The following ZMYND8 variants were observed in gnomAD, a reference collection of about 807,000 sequenced individuals.
ZMYND8 encodes the protein MYND-type zinc finger-containing chromatin reader ZMYND8.
In ZMYND8, 37 loss-of-function variants were observed where a neutral mutation model predicts 140.8. The observed-to-expected ratio is 0.26, with a 90% CI of 0.20 to 0.35. The LOEUF is 0.35. Among genes scored for constraint, ZMYND8 ranks in the 10% least tolerant of loss-of-function variants. ZMYND8 has a pLI of 1.00. For synonymous variants in ZMYND8, 592 were observed against 597.1 expected (o/e 0.99, Z 0.12); for missense variants, 1,068 against 1,570.0 (o/e 0.68, Z 5.40).
Position 47,347,838 on chromosome 20 carries a change from T to C in ZMYND8, c.85+18A>G. On this transcript the variant is annotated intron_variant, in intron 2 of 22. Transcript: ENST00000471951. ...TCCTCCTTAGCTCTAGAATAGATAA[T>C]ACAAGATTTTTACTCACCTTTGGAG... 6.2e-7 allele frequency: 1 copy of C among 1,612,564 alleles called. No individual in the cohort carries two copies.
At chr20:47,279,465 G>C (rs2076465229) in intron 10 of ZMYND8, among the ~76,000 whole-genome samples, 1 of 151,458 alleles carries the variant, frequency 6.6e-6, no homozygotes, top group Non-Finnish European at 1.5e-5. Context: ...AAACAAGCCT[G>C]GGTGACAGAG....
At chr20:47,335,410 C>T (rs972565234) in intron 2 of ZMYND8, among the ~76,000 whole-genome samples, 1 of 151,868 alleles carries the variant, frequency 6.6e-6, no homozygotes, top group Admixed American at 6.6e-5. Context: ...ATTATCATTC[C>T]ACTCACCCTC....
chr20:47,303,625 G>A (rs1417628558), intron 3 of ZMYND8, among the ~76,000 whole-genome samples: 2 of 152,066 alleles, frequency 1.3e-5, no homozygotes, highest in African/African-American at 2.4e-5. Context: ...GAACCCGGGA[G>A]GTGGAGGTTG....
chr20:47,276,259 T>C (rs1173358740), intron 11 of ZMYND8, 55 bp downstream of exon 11: 2 of 1,489,570 alleles, frequency 1.3e-6, no homozygotes, highest in Non-Finnish European at 1.8e-6. Context: ...TGTGCACCCA[T>C]GGGAAACCCC....
intron 21 of ZMYND8, among the ~76,000 whole-genome samples, chr20:47,216,787 ACAGAG>A (rs1226719014): frequency 2.0e-5 from 3 of 152,194 alleles, no homozygotes; most frequent in Non-Finnish European, 4.4e-5. Context: ...AGCCTGGGCG[ACAGAG>A]CAAAGACTCT....
chr20:47,220,231 C>A (rs1184518734), intron 21 of ZMYND8, 27 bp downstream of exon 21: 6 of 1,546,394 alleles, frequency 3.9e-6, no homozygotes, highest in Non-Finnish European at 5.3e-6. Flanking sequence ...TGTGAAAGCA[C>A]CGTTCGCCCA....
chr20:47,314,743 A>G (rs940492883), intron 2 of ZMYND8, among the ~76,000 whole-genome samples: 2 of 152,178 alleles, frequency 1.3e-5, no homozygotes, highest in African/African-American at 2.4e-5. Flanking sequence ...ACTTCCAGAC[A>G]TTATTTGAGG....
intron 1 of ZMYND8, among the ~76,000 whole-genome samples, chr20:47,351,051 A>C (rs767271028): frequency 6.6e-6 from 1 of 152,242 alleles, no homozygotes; most frequent in African/African-American, 2.4e-5. Context: ...AGTACCTGCA[A>C]AGATAACCAA....
At chr20:47,289,591 A>C (rs2077129394) in intron 7 of ZMYND8, among the ~76,000 whole-genome samples, 3 of 148,566 alleles carry the variant, frequency 2.0e-5, no homozygotes, top group Middle Eastern at 6.8e-3. Flanking sequence ...AAATGGATGA[A>C]TGGCGGCATA....
At chr20:47,239,273 C>T in intron 14 of ZMYND8, 135 bp from the exon 15 acceptor site, 6 of 1,208,594 alleles carry the variant, frequency 5.0e-6, no homozygotes, top group Non-Finnish European at 5.5e-6. Context: ...GTGCCAAGCA[C>T]ACCGCGCTGG....
intron 21 of ZMYND8, among the ~76,000 whole-genome samples, chr20:47,219,735 G>C (rs191410296): frequency 6.6e-6 from 1 of 152,190 alleles, no homozygotes; most frequent in Admixed American, 6.5e-5. Flanking sequence ...AAAAAACCTA[G>C]ATGTCAAGTC....
At chr20:47,335,426 C>T (rs1282291708) in intron 2 of ZMYND8, among the ~76,000 whole-genome samples, 1 of 152,006 alleles carries the variant, frequency 6.6e-6, no homozygotes, top group East Asian at 1.9e-4. Flanking sequence ...CCCTCACCCC[C>T]CCACAGCCAT....
In ZMYND8 at chr20:47,227,289, AG is replaced by A; in HGVS notation, c.2938-9del. The stretch of plus-strand genomic sequence containing the variant: ...GATCCTCAGCCTGCGAATCTGGAAG[AG>A]GGAGAGTGAGCGTCTTCAAAAGCTG... On this transcript the variant is annotated splice_polypyrimidine_tract_variant and intron_variant, in intron 17 of 22. Transcript: ENST00000471951. 6.2e-7 allele frequency: 1 copy of A among 1,614,102 alleles called. No homozygotes were observed. Among genetic ancestry groups the A allele is most frequent in the Non-Finnish European group, 8.5e-7 (1 of 1,179,986 alleles).
intron 2 of ZMYND8, among the ~76,000 whole-genome samples, chr20:47,324,716 G>A (rs1013570011): frequency 2.6e-5 from 4 of 151,878 alleles, no homozygotes; most frequent in South Asian, 2.1e-4. Flanking sequence ...AAGCTCCTTC[G>A]CATGCGGCTG....
intron 18 of ZMYND8, among the ~76,000 whole-genome samples, chr20:47,224,775 G>A (rs1295676191): frequency 2.0e-5 from 3 of 152,174 alleles, no homozygotes; most frequent in Admixed American, 2.0e-4. Context: ...TGGACATGAG[G>A]TGCCCAGCAT....
rs1229559626 is a variant in ZMYND8 at position 47,282,124 on chromosome 20, G to A, written c.976C>T (p.Arg326Ter). 4 of 1,613,258 alleles carry A rather than the reference G, an allele frequency of 2.5e-6. No homozygotes were observed. Among genetic ancestry groups the A allele is most frequent in the Non-Finnish European group, 3.4e-6 (4 of 1,179,718 alleles). The change falls in exon 10 of 23, where the codon CGA (arginine) becomes TGA (stop). Residue 326 changes from arginine (R) to a stop codon, truncating the protein, a stop_gained. Coordinates refer to ENST00000471951, the MANE Select transcript of ZMYND8 (RefSeq NM_001281775.3). LOFTEE classifies it high-confidence loss of function. ...CACCTGTCATGTTGTCCAAAGAATCGGGCATCGACCTGCCCGTCTTTATCC... is the reference window on the plus strand; with the variant it reads ...CACCTGTCATGTTGTCCAAAGAATCAGGCATCGACCTGCCCGTCTTTATCC... The part of the protein sequence containing the change: ...LRDKDGQVDA[R>*]FFGQHDRAWV...
At chr20:47,279,263 A>G (rs977894407) in intron 10 of ZMYND8, among the ~76,000 whole-genome samples, 11 of 152,094 alleles carry the variant, frequency 7.2e-5, no homozygotes, top group Non-Finnish European at 1.5e-4. Context: ...TGAGGTCAGG[A>G]GCTTGAGACC....
chr20:47,328,398 G>A (rs1474744544), intron 2 of ZMYND8, among the ~76,000 whole-genome samples: 2 of 152,052 alleles, frequency 1.3e-5, no homozygotes, highest in African/African-American at 4.8e-5. Context: ...TGTTGTCAAG[G>A]AGATACACTG....
In ZMYND8 at chr20:47,247,378, A is replaced by G. The variant is rs557981687; in HGVS notation, c.1775-861T>C. ...CCCTCTTGTTCCCTGCACTCGTGGAAAGTCAACTGCCACTCGGTGTGCATT... is the reference window on the plus strand; with the variant it reads ...CCCTCTTGTTCCCTGCACTCGTGGAGAGTCAACTGCCACTCGGTGTGCATT... On this transcript the variant is annotated intron_variant, in intron 13 of 22. Transcript: ENST00000471951. 2.0e-5 allele frequency among the ~76,000 whole-genome samples: 3 copies of G among 152,306 alleles called. No homozygotes were observed. The East Asian group carries it at 5.8e-4, about 29-fold the overall frequency.
Sources: gnomAD v4.1 joint callset for allele counts (sites outside exome capture counted in the v4.1 genomes callset) on GRCh38, gnomAD v4.1.1 for gene constraint, MANE v1.5 for transcripts, NCBI Gene and HGNC (gene_info 2026-07-23, HGNC 2026-07-21) for gene names.